Variants in SLC38A8 observed in about 807,000 individuals in gnomAD.
The protein encoded by SLC38A8 is solute carrier family 38 member 8, also known as amino acid transporter SLC38A8.
Under a neutral mutation model 46.0 loss-of-function variants are expected in SLC38A8, and 65 were observed. That is an observed-to-expected ratio of 1.41 (90% CI 1.16 to 1.74). SLC38A8 has a LOEUF of 1.74. Among genes scored for constraint, SLC38A8 ranks in the 40% most tolerant of loss-of-function variants. The probability of loss-of-function intolerance (pLI) is 0.00; values close to 1 mark genes in which losing one functional copy is unlikely to be tolerated. For synonymous variants in SLC38A8, 447 were observed against 243.7 expected (o/e 1.83, Z -7.77); for missense variants, 998 against 567.9 (o/e 1.76, Z -7.70).
Position 84,022,811 on chromosome 16 carries a change from A to G in SLC38A8, c.769T>C (p.Ser257Pro). ...TAGATGAGGCAGCAGGCCAGCAAGG[A>G]CAGCACAGACACCAGGGCCCAGTGG... is the stretch of plus-strand genomic sequence containing the variant. ...LSHWALVSVL[S>P]LLACCLIYSL... Residue 257 changes from serine to proline, a missense_variant, in exon 7 of 11, where the codon TCC becomes CCC. Transcript: ENST00000299709. 1 of 1,614,042 alleles carries G rather than the reference A, an allele frequency of 6.2e-7. No homozygotes were observed.
At chr16:84,013,435 T>TTTTTTTTTTTTTTTTTTGTTG (rs2084981057) in intron 9 of SLC38A8, among the ~76,000 whole-genome samples, 1 of 130,696 alleles carries the variant, frequency 7.7e-6, no homozygotes, top group Non-Finnish European at 1.6e-5. Flanking sequence ...TTTTTTTTTT[T>TTTTTTTTTTTTTTTTTTGTTG]TTTTTTTTTT....
chr16:84,037,184 G>A (rs929932396), intron 2 of SLC38A8, among the ~76,000 whole-genome samples: 4 of 152,230 alleles, frequency 2.6e-5, no homozygotes, highest in Admixed American at 6.5e-5. Context: ...TGGGATAAAT[G>A]AGACATCAGA....
intron 9 of SLC38A8, among the ~76,000 whole-genome samples, chr16:84,013,422 GTGTTTTT>G (rs1387858706): frequency 5.5e-5 from 6 of 108,718 alleles, no homozygotes; most frequent in African/African-American, 2.4e-4. Context: ...TGTTGTGTGT[GTGTTTTT>G]TTTTTTTTTT....
At chr16:84,016,005 G>C (rs780709982) in intron 9 of SLC38A8, among the ~76,000 whole-genome samples, 2 of 152,164 alleles carry the variant, frequency 1.3e-5, no homozygotes, top group African/African-American at 2.4e-5. Context: ...ATAAAGAAAA[G>C]AGGTTTAATG....
intron 3 of SLC38A8, among the ~76,000 whole-genome samples, chr16:84,034,770 C>T (rs553600183): frequency 5.9e-5 from 9 of 152,248 alleles, no homozygotes; most frequent in South Asian, 2.1e-4. Context: ...AGGACTGCAC[C>T]GAGATCGTGG....
intron 7 of SLC38A8, 94 bp from the exon 8 acceptor site, chr16:84,017,381 T>A: frequency 6.9e-7 from 1 of 1,452,678 alleles, no homozygotes; most frequent in East Asian, 2.3e-5. Flanking sequence ...CTTTACCACC[T>A]AAGATTTTCC....
intron 6 of SLC38A8, among the ~76,000 whole-genome samples, chr16:84,028,602 G>A (rs1054987465): frequency 1.3e-5 from 2 of 151,150 alleles, no homozygotes; most frequent in East Asian, 3.9e-4. Context: ...TGGAAGAGCA[G>A]TGTCTGCTTC....
At chr16:84,041,899 G>A (rs1238004544) in intron 2 of SLC38A8, 70 bp downstream of exon 2, 26 of 1,411,672 alleles carry the variant, frequency 1.8e-5, no homozygotes, top group Non-Finnish European at 2.1e-5. Context: ...GAAGCAATGC[G>A]AGGAACCCCA....
intron 9 of SLC38A8, among the ~76,000 whole-genome samples, chr16:84,016,134 G>T (rs536136053): frequency 6.6e-6 from 1 of 152,070 alleles, no homozygotes; most frequent in African/African-American, 2.4e-5. Context: ...GGGGGCGGGG[G>T]GGGACCCCCA....
intron 1 of SLC38A8, 22 bp from the exon 2 acceptor site, chr16:84,042,181 A>G: frequency 6.3e-7 from 1 of 1,593,318 alleles, no homozygotes; most frequent in Non-Finnish European, 8.5e-7. Context: ...AGAGGGGTGG[A>G]GAGAAAGCAC....
chr16:84,029,173 G>A (rs982508365), intron 6 of SLC38A8, among the ~76,000 whole-genome samples: 3 of 152,264 alleles, frequency 2.0e-5, no homozygotes, highest in African/African-American at 7.2e-5. Context: ...TCCTGTGGGG[G>A]TTCTGCAGAG....
At chr16:84,033,229 G>C in intron 4 of SLC38A8, 99 bp downstream of exon 4, 2 of 1,521,844 alleles carry the variant, frequency 1.3e-6, no homozygotes, top group Non-Finnish European at 1.8e-6. Context: ...CAAATGTGAA[G>C]GCCAATTCCC....
At chr16:84,022,329 C>A (rs28464036) in intron 7 of SLC38A8, among the ~76,000 whole-genome samples, 5 of 152,222 alleles carry the variant, frequency 3.3e-5, no homozygotes. Flanking sequence ...CTGAGCCACA[C>A]TTTCATCACC....
intron 3 of SLC38A8, among the ~76,000 whole-genome samples, chr16:84,034,781 G>C (rs2085283101): frequency 6.6e-6 from 1 of 152,108 alleles, no homozygotes; most frequent in Non-Finnish European, 1.5e-5. Context: ...GAGATCGTGG[G>C]TGAGTTTTAG....
intron 6 of SLC38A8, among the ~76,000 whole-genome samples, chr16:84,024,879 C>T (rs1391359088): frequency 6.6e-6 from 1 of 152,118 alleles, no homozygotes; most frequent in African/African-American, 2.4e-5. Flanking sequence ...CAGGGTTTCA[C>T]CATGTTGTCC....
intron 6 of SLC38A8, among the ~76,000 whole-genome samples, chr16:84,026,106 G>C (rs895252019): frequency 1.3e-5 from 2 of 152,266 alleles, no homozygotes; most frequent in South Asian, 2.1e-4. Context: ...CGGCAGCTCT[G>C]CGTATAGGGG....
intron 6 of SLC38A8, among the ~76,000 whole-genome samples, chr16:84,028,235 T>C (rs1250096630): frequency 6.6e-6 from 1 of 151,982 alleles, no homozygotes; most frequent in African/African-American, 2.4e-5. Flanking sequence ...GTGCTGGTGG[T>C]AGGCAGTGGA....
Position 84,020,559 on chromosome 16 carries a change from T to C in SLC38A8, c.805+2216A>G, listed in dbSNP as rs976618240. Among the ~76,000 whole-genome samples, 4 of 152,284 alleles carry C rather than the reference T, an allele frequency of 2.6e-5. 1 individual carries two copies. The highest frequency in any genetic ancestry group is 2.0e-4 in the Admixed American group (3 of 15,300). On this transcript the variant is annotated intron_variant, in intron 7 of 10. Coordinates refer to ENST00000299709, the MANE Select transcript of SLC38A8 (RefSeq NM_001080442.3). Reference sequence around the variant, plus strand: ...GCATCCTGCCAAGGTTTACCACTTATACCTTCTGGGGCTGCAGCACGAGCC... The same window carrying C: ...GCATCCTGCCAAGGTTTACCACTTACACCTTCTGGGGCTGCAGCACGAGCC...
At chr16:84,011,368 G>C (rs1438416997) in intron 10 of SLC38A8, among the ~76,000 whole-genome samples, 1 of 152,218 alleles carries the variant, frequency 6.6e-6, no homozygotes, top group Non-Finnish European at 1.5e-5. Context: ...CAGACATTGG[G>C]AGGCTGGTTC....
Sources: gnomAD v4.1 joint callset for allele counts (sites outside exome capture counted in the v4.1 genomes callset) on GRCh38, gnomAD v4.1.1 for gene constraint, MANE v1.5 for transcripts, NCBI Gene and HGNC (gene_info 2026-07-23, HGNC 2026-07-21) for gene names.